AP1G1: variants seen among roughly 807,000 people sequenced by gnomAD.
AP1G1 encodes adaptor related protein complex 1 subunit gamma 1, also known as AP-1 complex subunit gamma-1.
A neutral mutation model predicts 108.3 loss-of-function variants in AP1G1; 7 were observed. The ratio of observed to expected loss-of-function variants is 0.06; its 90% confidence interval spans 0.04 to 0.12. The LOEUF (loss-of-function observed/expected upper bound fraction) is 0.12, where lower values mean the gene tolerates loss of function less well. Ranked by LOEUF, AP1G1 falls within the 10% of genes least tolerant of loss-of-function variation. AP1G1 has a pLI of 1.00. For missense variants in AP1G1, 756 were observed against 1,010.7 expected (o/e 0.75, Z 3.42); for synonymous variants, 379 against 353.5 (o/e 1.07, Z -0.81).
chr16:71,798,661 G>A (rs1274959420), intron 1 of AP1G1, among the ~76,000 whole-genome samples: 1 of 152,064 alleles, frequency 6.6e-6, no homozygotes, highest in Non-Finnish European at 1.5e-5. Context: ...GCAGAGGCAG[G>A]CAGATCACCT....
chr16:71,766,423 T>C (rs1372968280), intron 6 of AP1G1: 1 of 469,728 alleles, frequency 2.1e-6, no homozygotes, highest in Admixed American at 2.4e-5. Context: ...GAAGATGTTT[T>C]AAATATTGGC....
chr16:71,796,354 T>C (rs1371252538), intron 1 of AP1G1, among the ~76,000 whole-genome samples: 1 of 152,200 alleles, frequency 6.6e-6, no homozygotes, highest in African/African-American at 2.4e-5. Flanking sequence ...TGGCTTAAAA[T>C]GACAAAACAC....
chr16:71,751,440 T>C (rs1302774124), intron 13 of AP1G1: 1 of 141,500 alleles, frequency 7.1e-6, no homozygotes, highest in African/African-American at 2.6e-5. Context: ...AGACCAGTCC[T>C]AACCATGTGT....
intron 6 of AP1G1, chr16:71,767,842 C>T (rs756303612): frequency 1.9e-6 from 3 of 1,595,614 alleles, no homozygotes; most frequent in African/African-American, 1.3e-5. Flanking sequence ...GACCTAATGC[C>T]AGCATGCACC....
chr16:71,808,445 C>G (rs1051715654), intron 1 of AP1G1: 3 of 1,192,700 alleles, frequency 2.5e-6, no homozygotes. Flanking sequence ...CCCCAGGCTC[C>G]CTGAATGAGC....
chr16:71,779,358 G>T (rs2031915725), intron 2 of AP1G1, among the ~76,000 whole-genome samples: 1 of 151,764 alleles, frequency 6.6e-6, no homozygotes, highest in African/African-American at 2.4e-5. Context: ...GGGAGTAGGG[G>T]GGAGAGTCTC....
intron 2 of AP1G1, among the ~76,000 whole-genome samples, chr16:71,775,019 CTTTTTT>C (rs748508767): frequency 2.9e-5 from 2 of 69,720 alleles, no homozygotes; most frequent in African/African-American, 6.5e-5. Flanking sequence ...CCGCGCCTGG[CTTTTTT>C]TTTTTTTTTT....
At chr16:71,807,850 A>G (rs1321639485) in intron 1 of AP1G1, 24 of 1,288,848 alleles carry the variant, frequency 1.9e-5, no homozygotes, top group Non-Finnish European at 2.2e-5. Context: ...TCAGGGATAT[A>G]TAATAGGGGA....
At chr16:71,774,134 T>G (rs1397325078) in intron 3 of AP1G1, among the ~76,000 whole-genome samples, 1 of 146,132 alleles carries the variant, frequency 6.8e-6, no homozygotes, top group South Asian at 2.2e-4. Flanking sequence ...CCCTAGTACT[T>G]TGGGAAGCCG....
chr16:71,740,128 C>G (rs912754094), intron 19 of AP1G1, among the ~76,000 whole-genome samples: 1 of 152,178 alleles, frequency 6.6e-6, no homozygotes, highest in Non-Finnish European at 1.5e-5. Context: ...CACAACCAAT[C>G]TAGAGAGTAA....
At chr16:71,748,431 C>T in intron 15 of AP1G1, 53 bp from the exon 16 acceptor site, 1 of 1,575,266 alleles carries the variant, frequency 6.3e-7, no homozygotes, top group Non-Finnish European at 8.6e-7. Flanking sequence ...CATGATTAAG[C>T]ATCTAAATCT....
At position 71,750,288 on chromosome 16, in the gene AP1G1, C is replaced by T. The variant is rs1228497601; in HGVS notation, c.1329G>A (p.Gln443=). The part of the protein sequence containing the change: ...VRDDAVPNLI[Q]LITNSVEMHA... ...GCATCTCCACACTATTAGTTATTAA[C>T]TGGATTAAATTGGGGACTGCATCAT... Residue 443 remains glutamine, a synonymous_variant, in exon 14 of 23, where the codon CAG becomes CAA. Coordinates refer to ENST00000299980, the MANE Select transcript of AP1G1 (RefSeq NM_001128.6). 6.2e-7 allele frequency: 1 copy of T among 1,614,106 alleles called. No individual in the cohort carries two copies.
At chr16:71,800,441 G>T (rs892661363) in intron 1 of AP1G1, among the ~76,000 whole-genome samples, 1 of 151,492 alleles carries the variant, frequency 6.6e-6, no homozygotes, top group Admixed American at 6.6e-5. Context: ...TAGCACTTTG[G>T]GAGGCCAAGG....
intron 5 of AP1G1, 107 bp downstream of exon 5, chr16:71,771,049 G>A: frequency 4.9e-6 from 3 of 617,436 alleles, no homozygotes; most frequent in Non-Finnish European, 8.0e-6. Flanking sequence ...AGGCACAGCA[G>A]AAACGCGACT....
intron 4 of AP1G1, 91 bp from the exon 5 acceptor site, chr16:71,771,343 A>C: frequency 1.5e-6 from 1 of 677,692 alleles, no homozygotes; most frequent in Non-Finnish European, 2.4e-6. Flanking sequence ...CAAAAATCTC[A>C]CCAACTAGTT....
intron 2 of AP1G1, among the ~76,000 whole-genome samples, chr16:71,788,684 G>A (rs2032295447): frequency 6.6e-6 from 1 of 151,640 alleles, no homozygotes; most frequent in African/African-American, 2.4e-5. Flanking sequence ...AAAAGAAATA[G>A]GATCTTACTC....
At chr16:71,787,116 C>T (rs369377319) in intron 2 of AP1G1, among the ~76,000 whole-genome samples, 19 of 151,750 alleles carry the variant, frequency 1.3e-4, no homozygotes, top group Admixed American at 9.2e-4. Context: ...GTCAGGAATT[C>T]GAGACCAGCC....
At chr16:71,788,704 G>A (rs1205340442) in intron 2 of AP1G1, among the ~76,000 whole-genome samples, 2 of 151,786 alleles carry the variant, frequency 1.3e-5, no homozygotes, top group Non-Finnish European at 2.9e-5. Flanking sequence ...CTATTGCCCA[G>A]GCTGGAGTAC....
At position 71,749,926 on chromosome 16, in the gene AP1G1, A is replaced by T. The variant is rs748670937; in HGVS notation, c.1465T>A (p.Ser489Thr). The T allele has an allele frequency of 6.2e-7, 1 of 1,612,998 alleles. No homozygotes were observed. Among genetic ancestry groups the T allele is most frequent in the Non-Finnish European group, 8.5e-7 (1 of 1,178,974 alleles). The part of the protein sequence containing the change: ...CIGEYGDLLV[S>T]GQCEEEEPIQ... ...GGCTCTTCCTCTTCACACTGGCCAG[A>T]TACAAGAAGATCACCATATTCACCT... Residue 489 changes from serine (S) to threonine (T), a missense_variant, in exon 15 of 23, where the codon TCT (serine) becomes ACT (threonine). Ser to Thr is a moderately conservative substitution (Grantham distance 58). Coordinates refer to ENST00000299980, the MANE Select transcript of AP1G1 (RefSeq NM_001128.6).
Sources: allele counts gnomAD v4.1 joint callset (sites outside exome capture counted in the v4.1 genomes callset), GRCh38; gene constraint gnomAD v4.1.1; transcripts MANE v1.5; gene names NCBI Gene and HGNC (gene_info 2026-07-23, HGNC 2026-07-21).